Variants in C13orf46 observed in about 807,000 individuals in gnomAD.
C13orf46 encodes the protein uncharacterized protein C13orf46.
intron 1 of C13orf46, among the ~76,000 whole-genome samples, chr13:113,971,236 A>G (rs948202433): frequency 2.0e-5 from 3 of 152,228 alleles, no homozygotes; most frequent in Non-Finnish European, 2.9e-5. Context: ...GATGATTCCA[A>G]AGCTTTAAAT....
intron 5 of C13orf46, among the ~76,000 whole-genome samples, chr13:113,965,635 GTGA>G (rs1433796630): frequency 3.2e-4 from 49 of 151,830 alleles, no homozygotes; most frequent in African/African-American, 6.3e-4. Flanking sequence ...GATGATGACA[GTGA>G]TGATGATTGT....
chr13:113,953,109 G>A (rs1202412795), downstream of C13orf46, among the ~76,000 whole-genome samples: 2 of 152,212 alleles, frequency 1.3e-5, no homozygotes, highest in East Asian at 1.9e-4. Flanking sequence ...AGCGCCCACT[G>A]AGCCCTTCCC....
chr13:113,929,883 G>T, the C13orf46 span, among the ~76,000 whole-genome samples: 1 of 152,218 alleles, frequency 6.6e-6, no homozygotes. Flanking sequence ...TCTGCCCGAG[G>T]ATCCCAGGCC....
chr13:113,969,387 C>T (rs1253965225), intron 2 of C13orf46, among the ~76,000 whole-genome samples: 1 of 152,358 alleles, frequency 6.6e-6, no homozygotes, highest in Non-Finnish European at 1.5e-5. Context: ...AGCTCAACTG[C>T]CCTCACCAAG....
At chr13:113,960,311 G>A (rs2052577248) in intron 6 of C13orf46, among the ~76,000 whole-genome samples, 1 of 152,116 alleles carries the variant, frequency 6.6e-6, no homozygotes, top group Non-Finnish European at 1.5e-5. Context: ...ACTAAAGATT[G>A]GTCCCCTATG....
At chr13:113,970,790 C>T (rs886382849) in intron 1 of C13orf46, among the ~76,000 whole-genome samples, 2 of 152,156 alleles carry the variant, frequency 1.3e-5, no homozygotes, top group Non-Finnish European at 2.9e-5. Context: ...CTTTATGTCT[C>T]GTGAGGATCT....
chr13:113,939,154 G>A, the C13orf46 span, among the ~76,000 whole-genome samples: 9 of 133,892 alleles, frequency 6.7e-5, no homozygotes, highest in Admixed American at 2.2e-4. Flanking sequence ...GGACAACAGC[G>A]TCCGGCTTCT....
At chr13:113,952,412 G>A (rs990320242), downstream of C13orf46, among the ~76,000 whole-genome samples, 5 of 152,204 alleles carry the variant, frequency 3.3e-5, no homozygotes, top group East Asian at 3.9e-4. Context: ...CTGTGTGGCC[G>A]CCGCTCCCGC....
chr13:113,945,610 AAG>A, the C13orf46 span, among the ~76,000 whole-genome samples: 5 of 53,658 alleles, frequency 9.3e-5, no homozygotes, highest in African/African-American at 3.3e-4. Flanking sequence ...AGAAAGAAGA[AAG>A]AAAGAAAGAA....
chr13:113,929,896 C>T, the C13orf46 span, among the ~76,000 whole-genome samples: 4 of 152,236 alleles, frequency 2.6e-5, no homozygotes, highest in Non-Finnish European at 4.4e-5. Flanking sequence ...CCCAGGCCTA[C>T]GACACTGTCC....
rs2052502592 is a variant in C13orf46 at position 113,954,225 on chromosome 13, T to A, written c.*2548A>T. ...GGGAATAGACAGTGCACACAGCATC[T>A]CCGCCTGTGGCCTCTGACTGCCTTA... On this transcript the variant is annotated 3_prime_UTR_variant, in exon 7 of 7. Coordinates refer to ENST00000636427, the MANE Select transcript of C13orf46 (RefSeq NM_001365455.2). 1 of 152,254 alleles carries A rather than the reference T, an allele frequency of 6.6e-6. No homozygotes were observed. The highest frequency in any genetic ancestry group is 1.5e-5 in the Non-Finnish European group (1 of 68,058). The allele number at this position is 152,254 out of a possible 1,614,324, so 9.4% of individuals were successfully genotyped here.
At chr13:113,973,498 C>T (rs142626661) in intron 1 of C13orf46, among the ~76,000 whole-genome samples, 3 of 152,318 alleles carry the variant, frequency 2.0e-5, no homozygotes, top group Non-Finnish European at 4.4e-5. Flanking sequence ...AGAATGCAGC[C>T]CTGTGTCTCC....
At chr13:113,969,530 T>A (rs1427079981) in intron 2 of C13orf46, among the ~76,000 whole-genome samples, 7 of 152,342 alleles carry the variant, frequency 4.6e-5, no homozygotes, top group Admixed American at 4.6e-4. Context: ...CCTTCCTTGG[T>A]CTCCACTCAA....
chr13:113,939,736 T>C, the C13orf46 span, among the ~76,000 whole-genome samples: 2 of 152,336 alleles, frequency 1.3e-5, no homozygotes, highest in African/African-American at 2.4e-5. Context: ...AGTGACCTCC[T>C]GTGCGCTGTG....
the C13orf46 span, among the ~76,000 whole-genome samples, chr13:113,947,527 T>C: frequency 1.3e-5 from 2 of 152,066 alleles, no homozygotes; most frequent in African/African-American, 4.8e-5. Flanking sequence ...TAGGCCTTTT[T>C]ATTTACCTGA....
chr13:113,943,619 C>T, the C13orf46 span, among the ~76,000 whole-genome samples: 2 of 152,318 alleles, frequency 1.3e-5, no homozygotes, highest in African/African-American at 2.4e-5. Context: ...GTCTGACCCC[C>T]GTTCCCGTCA....
chr13:113,953,391 C>T (rs2052497244), downstream of C13orf46, among the ~76,000 whole-genome samples: 1 of 152,310 alleles, frequency 6.6e-6, no homozygotes, highest in Admixed American at 6.5e-5. Flanking sequence ...ACAATCACCT[C>T]TCCGGGGTCC....
chr13:113,937,889 G>C, the C13orf46 span, among the ~76,000 whole-genome samples: 1 of 152,206 alleles, frequency 6.6e-6, no homozygotes, highest in South Asian at 2.1e-4. Context: ...AGCTGTGTGC[G>C]TTTGTCTCAC....
chr13:113,970,019 G>A (rs1330724541), intron 2 of C13orf46, among the ~76,000 whole-genome samples, 152 bp downstream of exon 2: 2 of 152,150 alleles, frequency 1.3e-5, no homozygotes, highest in Non-Finnish European at 2.9e-5. Context: ...GGCCCTGCGC[G>A]GGGTCTTCGC....
Sources: allele counts gnomAD v4.1 joint callset (sites outside exome capture counted in the v4.1 genomes callset), GRCh38; gene constraint gnomAD v4.1.1; transcripts MANE v1.5; gene names NCBI Gene and HGNC (gene_info 2026-07-23, HGNC 2026-07-21).